The following DNM3 variants were observed in gnomAD, a reference collection of about 807,000 sequenced individuals.
DNM3 encodes the protein dynamin 3, also known as dynamin-3.
Under a neutral mutation model 101.6 loss-of-function variants are expected in DNM3, and 47 were observed. That is an observed-to-expected ratio of 0.46 (90% CI 0.37 to 0.59). The LOEUF is 0.59. Ranked by LOEUF, DNM3 falls within the 20% of genes least tolerant of loss-of-function variation. The pLI, the probability that DNM3 is intolerant of heterozygous loss-of-function variation, is 0.00. For synonymous variants in DNM3, 385 were observed against 387.9 expected (o/e 0.99, Z 0.09); for missense variants, 849 against 1,085.7 (o/e 0.78, Z 3.06).
chr1:171,971,690 T>C (rs1449531213), intron 2 of DNM3, among the ~76,000 whole-genome samples: 1 of 152,086 alleles, frequency 6.6e-6, no homozygotes, highest in South Asian at 2.1e-4. Context: ...GCACAATGTG[T>C]AATTGAAGGC....
At chr1:172,036,312 A>G (rs1426218958) in intron 6 of DNM3, among the ~76,000 whole-genome samples, 2 of 151,628 alleles carry the variant, frequency 1.3e-5, no homozygotes, top group Non-Finnish European at 2.9e-5. Flanking sequence ...AATTTCATCC[A>G]TGTCCCTACA....
At chr1:172,265,986 C>T (rs945924137) in intron 15 of DNM3, among the ~76,000 whole-genome samples, 4 of 152,144 alleles carry the variant, frequency 2.6e-5, no homozygotes, top group Non-Finnish European at 4.4e-5. Context: ...TCACCTCCTC[C>T]CCCTTTTCCT....
chr1:172,400,870 G>T (rs1250910924), intron 20 of DNM3, among the ~76,000 whole-genome samples: 2 of 152,082 alleles, frequency 1.3e-5, no homozygotes, highest in African/African-American at 4.8e-5. Flanking sequence ...TTCCTGGAAT[G>T]CTAGTCCCCT....
chr1:171,946,141 G>A (rs559835586), intron 2 of DNM3, among the ~76,000 whole-genome samples: 2 of 152,130 alleles, frequency 1.3e-5, no homozygotes, highest in African/African-American at 2.4e-5. Flanking sequence ...TTCTTTGTGC[G>A]TTTCAAAGAC....
intron 15 of DNM3, among the ~76,000 whole-genome samples, chr1:172,274,841 A>C (rs191807498): frequency 2.6e-5 from 4 of 151,906 alleles, no homozygotes. Flanking sequence ...AGCAGCACTC[A>C]AACTGGTCTA....
intron 12 of DNM3, 102 bp from the exon 13 acceptor site, chr1:172,092,722 T>C (rs760619439): frequency 1.4e-4 from 186 of 1,291,846 alleles, no homozygotes; most frequent in Admixed American, 1.1e-4. Flanking sequence ...TCTGTCTCCA[T>C]TGATTTTTTT....
At chr1:172,198,617 C>T (rs1215312743) in intron 14 of DNM3, among the ~76,000 whole-genome samples, 1 of 151,886 alleles carries the variant, frequency 6.6e-6, no homozygotes, top group East Asian at 1.9e-4. Context: ...TTCGGAGAAT[C>T]GATTTCTTCC....
At chr1:172,344,050 G>A (rs2066816733) in intron 17 of DNM3, among the ~76,000 whole-genome samples, 1 of 152,124 alleles carries the variant, frequency 6.6e-6, no homozygotes. Context: ...GCCTTCATCT[G>A]TAAATGATCA....
At chr1:172,231,515 C>A (rs609702) in intron 14 of DNM3, among the ~76,000 whole-genome samples, 41,451 of 151,898 alleles carry the variant, frequency 0.27, 6,274 homozygotes, top group African/African-American at 0.42. Context: ...AGAAAAACTG[C>A]AAATTCTAAA....
At chr1:172,034,413 A>G (rs1224877217) in intron 6 of DNM3, among the ~76,000 whole-genome samples, 1 of 152,096 alleles carries the variant, frequency 6.6e-6, no homozygotes, top group East Asian at 1.9e-4. Context: ...TTTGCCTACA[A>G]AAAATACAAA....
At position 172,409,284 on chromosome 1, in the gene DNM3, C is replaced by T. The variant is rs571806490; in HGVS notation, c.*1443C>T. On this transcript the variant is annotated 3_prime_UTR_variant, in exon 21 of 21. Transcript: ENST00000627582. ...AGGTTTCACCAACTGAAATGTCTCC[C>T]TTTGAAAGTAGCAAACATGATTTGT... 1.8e-4 allele frequency: 176 copies of T among 985,346 alleles called. No homozygotes were observed. Among genetic ancestry groups the T allele is most frequent in the Admixed American group, 9.8e-4 (16 of 16,264 alleles). The allele number at this position is 985,346 out of a possible 1,614,324, so 61.0% of individuals were successfully genotyped here. A position where few individuals can be genotyped will look rare whatever the true frequency, so the allele number is the denominator to read the frequency against.
At chr1:172,338,994 T>C in intron 17 of DNM3, 1 of 453,654 alleles carries the variant, frequency 2.2e-6, no homozygotes, top group East Asian at 6.2e-5. Flanking sequence ...TGTTCAAAGG[T>C]GTATTCACAG....
intron 2 of DNM3, among the ~76,000 whole-genome samples, chr1:171,986,682 G>C (rs1370061866): frequency 6.6e-6 from 1 of 150,630 alleles, no homozygotes; most frequent in South Asian, 2.1e-4. Context: ...CCAGGCTGGA[G>C]TGCAGTGGCA....
At chr1:172,363,385 C>T (rs530471909) in intron 17 of DNM3, among the ~76,000 whole-genome samples, 1 of 151,968 alleles carries the variant, frequency 6.6e-6, no homozygotes, top group African/African-American at 2.4e-5. Flanking sequence ...AGTTTATTTG[C>T]CCCAATCTAT....
intron 14 of DNM3, among the ~76,000 whole-genome samples, chr1:172,220,819 A>G (rs767147658): frequency 1.7e-4 from 26 of 152,312 alleles, no homozygotes; most frequent in African/African-American, 3.1e-4. Context: ...CCATTAATTG[A>G]TAACGATGAT....
chr1:171,969,866 G>A (rs1331885895), intron 2 of DNM3, among the ~76,000 whole-genome samples: 2 of 152,150 alleles, frequency 1.3e-5, no homozygotes, highest in East Asian at 3.8e-4. Context: ...AGGAAACTGA[G>A]GCACAGAGAA....
intron 1 of DNM3, among the ~76,000 whole-genome samples, chr1:171,862,549 G>A (rs995866557): frequency 5.9e-5 from 9 of 152,126 alleles, no homozygotes; most frequent in African/African-American, 1.9e-4. Flanking sequence ...GAGACAGAAA[G>A]CAGATTGGTG....
chr1:171,898,956 G>C (rs2038060510), intron 1 of DNM3, among the ~76,000 whole-genome samples: 1 of 152,196 alleles, frequency 6.6e-6, no homozygotes, highest in African/African-American at 2.4e-5. Context: ...AAGGGGTGAT[G>C]AGTAGTATTT....
chr1:172,120,254 G>A (rs1418898746), intron 13 of DNM3, among the ~76,000 whole-genome samples: 1 of 152,162 alleles, frequency 6.6e-6, no homozygotes, highest in East Asian at 1.9e-4. Context: ...GCAAGAGAGA[G>A]CATGTGTAGG....
Sources: gnomAD v4.1 joint callset for allele counts (sites outside exome capture counted in the v4.1 genomes callset) on GRCh38, gnomAD v4.1.1 for gene constraint, MANE v1.5 for transcripts, NCBI Gene and HGNC (gene_info 2026-07-23, HGNC 2026-07-21) for gene names.